CFAP99: variants seen among roughly 807,000 people sequenced by gnomAD.
CFAP99 encodes cilia- and flagella-associated protein 99.
CFAP99 carries 84 observed loss-of-function variants against 82.7 expected under a neutral mutation model. The observed-to-expected ratio is 1.02, with a 90% CI of 0.85 to 1.22. The LOEUF is 1.22. Among genes scored for constraint, CFAP99 ranks in the 50% most tolerant of loss-of-function variants. The pLI is 0.00. For missense variants in CFAP99, 1,059 were observed against 983.5 expected (o/e 1.08, Z -1.03); for synonymous variants, 456 against 429.5 (o/e 1.06, Z -0.76).
chr4:2,457,365 G>A (rs1057066189), intron 11 of CFAP99, among the ~76,000 whole-genome samples: 1 of 152,290 alleles, frequency 6.6e-6, no homozygotes, highest in Non-Finnish European at 1.5e-5. Context: ...TTTTAATTTT[G>A]AAGGTGCCAG....
chr4:2,438,123 T>C, exon 4 of CFAP99: 1 of 1,535,698 alleles, frequency 6.5e-7, no homozygotes, highest in Non-Finnish European at 8.7e-7. Flanking sequence ...CCAGCTATTC[T>C]GTAACATCAT....
At chr4:2,419,313 C>G (rs1455896686) in intron 1 of CFAP99, among the ~76,000 whole-genome samples, 3 of 152,110 alleles carry the variant, frequency 2.0e-5, no homozygotes, top group Non-Finnish European at 2.9e-5. Flanking sequence ...GCTACTCCCC[C>G]CAGTGGTGCC....
At chr4:2,461,205 G>T (rs1351339525) in intron 14 of CFAP99, among the ~76,000 whole-genome samples, 1 of 152,190 alleles carries the variant, frequency 6.6e-6, no homozygotes, top group Non-Finnish European at 1.5e-5. Flanking sequence ...CTGGCAGCCA[G>T]GTCAGACATG....
intron 1 of CFAP99, among the ~76,000 whole-genome samples, chr4:2,421,821 C>A (rs141633275): frequency 2.0e-5 from 3 of 151,334 alleles, no homozygotes; most frequent in African/African-American, 7.3e-5. Context: ...GTGGGAGGAT[C>A]GCTTCAGGCC....
chr4:2,458,199 C>T (rs974604746), intron 11 of CFAP99, among the ~76,000 whole-genome samples: 15 of 152,294 alleles, frequency 9.8e-5, no homozygotes, highest in South Asian at 2.1e-4. Flanking sequence ...TTGACTGAGA[C>T]GGGAATCTTG....
chr4:2,421,350 CTTTT>C (rs10632358), intron 1 of CFAP99, among the ~76,000 whole-genome samples: 2 of 96,982 alleles, frequency 2.1e-5, no homozygotes, highest in Non-Finnish European at 3.8e-5. Flanking sequence ...TCTGCCCACC[CTTTT>C]TTTTTTTTTT....
intron 13 of CFAP99, among the ~76,000 whole-genome samples, chr4:2,459,588 G>A (rs1434757433): frequency 6.6e-6 from 1 of 152,182 alleles, no homozygotes; most frequent in African/African-American, 2.4e-5. Context: ...GAGCGCAGGT[G>A]TTTTCAAAGG....
intron 2 of CFAP99, among the ~76,000 whole-genome samples, chr4:2,436,234 C>T (rs1219967862): frequency 6.6e-6 from 1 of 152,136 alleles, no homozygotes; most frequent in Middle Eastern, 3.2e-3. Flanking sequence ...GAACTCCAGG[C>T]ATGCACCACC....
At chr4:2,442,015 C>A (rs745426279) in intron 4 of CFAP99, among the ~76,000 whole-genome samples, 1 of 152,208 alleles carries the variant, frequency 6.6e-6, no homozygotes, top group Non-Finnish European at 1.5e-5. Context: ...GAGTCAGACC[C>A]ACCGCAAAGC....
intron 3 of CFAP99, 49 bp downstream of exon 3, chr4:2,437,067 C>T (rs1423538526): frequency 6.5e-7 from 1 of 1,532,188 alleles, no homozygotes; most frequent in Admixed American, 2.0e-5. Context: ...ACGGTTCACT[C>T]AGGCTCTCTG....
At chr4:2,438,090 T>G (rs1200616467) in exon 4 of CFAP99, 1 of 1,534,860 alleles carries the variant, frequency 6.5e-7, no homozygotes, top group Non-Finnish European at 8.7e-7. Flanking sequence ...CCTAGCCACA[T>G]TCCTGCTGGA....
chr4:2,426,259 T>A (rs1014128496), intron 1 of CFAP99, among the ~76,000 whole-genome samples, 200 bp from the exon 2 acceptor site: 2 of 151,872 alleles, frequency 1.3e-5, no homozygotes, highest in Admixed American at 1.3e-4. Context: ...ACATGCACCT[T>A]GGGGTACCTG....
intron 2 of CFAP99, 63 bp from the exon 3 acceptor site, chr4:2,436,811 C>A: frequency 6.7e-6 from 9 of 1,352,452 alleles, no homozygotes; most frequent in Non-Finnish European, 9.2e-6. Context: ...AAGTGTCCCA[C>A]CCCCACCGCC....
chr4:2,432,743 A>C (rs921269668), intron 2 of CFAP99, among the ~76,000 whole-genome samples: 10 of 152,200 alleles, frequency 6.6e-5, no homozygotes, highest in African/African-American at 1.2e-4. Context: ...TTGGGGACTG[A>C]GGAGCCCTGA....
At chr4:2,450,969 T>G in exon 9 of CFAP99, 3 of 1,536,010 alleles carry the variant, frequency 2.0e-6, no homozygotes, top group Non-Finnish European at 2.6e-6. Flanking sequence ...CAGCTGCGGC[T>G]TCAGTTCCCA....
intron 14 of CFAP99, 134 bp downstream of exon 14, chr4:2,460,376 C>T: frequency 1.4e-6 from 1 of 736,258 alleles, no homozygotes; most frequent in Non-Finnish European, 2.2e-6. Flanking sequence ...TGCCGTAACT[C>T]CCCTGACCCC....
intron 4 of CFAP99, among the ~76,000 whole-genome samples, chr4:2,441,666 C>T (rs1325193160): frequency 6.6e-6 from 1 of 152,242 alleles, no homozygotes; most frequent in African/African-American, 2.4e-5. Flanking sequence ...CCCAAGGGAA[C>T]TGCCCAGGAG....
chr4:2,441,490 C>G (rs1734037299), intron 4 of CFAP99, among the ~76,000 whole-genome samples: 1 of 152,170 alleles, frequency 6.6e-6, no homozygotes, highest in African/African-American at 2.4e-5. Flanking sequence ...AAGCGCCAGC[C>G]CAGGACAGAG....
In CFAP99 at chr4:2,425,321, T is replaced by G. The variant is rs555377160; in HGVS notation, c.-17-1138T>G. Among the ~76,000 whole-genome samples the G allele has an allele frequency of 2.0e-5, 3 of 152,322 alleles. No homozygotes were observed. In the South Asian group the frequency reaches 6.2e-4, roughly 32 times the overall value. ...CTGGCCTCCCCTTCTCTCTGAGTCT[T>G]GGCCAGGGAGAGAGTCAGGGGGCAG... On this transcript the variant is annotated intron_variant, in intron 1 of 14. Coordinates refer to ENST00000635017, the Ensembl canonical transcript of CFAP99.
Sources: allele counts gnomAD v4.1 joint callset (sites outside exome capture counted in the v4.1 genomes callset), GRCh38; gene constraint gnomAD v4.1.1; transcripts MANE v1.5; gene names NCBI Gene and HGNC (gene_info 2026-07-23, HGNC 2026-07-21).